Variants in STPG2 observed in about 807,000 individuals in gnomAD.
STPG2 encodes sperm-tail PG-rich repeat-containing protein 2.
In STPG2, 56 loss-of-function variants were observed where a neutral mutation model predicts 54.2. The ratio of observed to expected loss-of-function variants is 1.03; its 90% confidence interval spans 0.83 to 1.29. The LOEUF (loss-of-function observed/expected upper bound fraction) is 1.29. Ranked by LOEUF, STPG2 falls within the 50% of genes most tolerant of loss-of-function variation. The pLI is 0.00. For missense variants in STPG2, 596 were observed against 544.9 expected, an observed-to-expected ratio of 1.09 and a Z score of -0.93; for synonymous variants, 200 against 181.8, an observed-to-expected ratio of 1.10 and a Z score of -0.81.
intron 9 of STPG2, among the ~76,000 whole-genome samples, chr4:97,795,339 C>T (rs1225390439): frequency 6.6e-6 from 1 of 152,128 alleles, no homozygotes; most frequent in Non-Finnish European, 1.5e-5. Flanking sequence ...AATGCTATGC[C>T]TCCCACCTCC....
intron 5 of STPG2, among the ~76,000 whole-genome samples, chr4:97,988,418 G>C (rs1236596520): frequency 1.3e-5 from 2 of 151,916 alleles, no homozygotes; most frequent in Non-Finnish European, 2.9e-5. Flanking sequence ...TTTTCTGTTT[G>C]GCTCACTGCT....
chr4:97,831,558 C>A (rs1293993306), intron 9 of STPG2, among the ~76,000 whole-genome samples: 4 of 152,148 alleles, frequency 2.6e-5, no homozygotes, highest in East Asian at 1.9e-4. Flanking sequence ...CACAAAAAAA[C>A]CTTTCAAAAA....
chr4:98,072,406 G>A (rs1003928938), intron 5 of STPG2, among the ~76,000 whole-genome samples: 2 of 151,906 alleles, frequency 1.3e-5, no homozygotes, highest in African/African-American at 4.8e-5. Flanking sequence ...TGGGGCCTGT[G>A]GGGTGCAGAG....
chr4:98,073,403 A>ATTCAATAAATAATT (rs887145075), intron 5 of STPG2, among the ~76,000 whole-genome samples: 5 of 150,274 alleles, frequency 3.3e-5, no homozygotes, highest in Admixed American at 1.3e-4. Context: ...AACATTGATA[A>ATTCAATAAATAATT]TTCAATAAAT....
intron 8 of STPG2, among the ~76,000 whole-genome samples, chr4:97,851,213 G>A (rs11097583): frequency 0.13 from 19,440 of 152,154 alleles, 1,902 homozygotes; most frequent in African/African-American, 0.26. Context: ...CTCCTTGAGT[G>A]TTCAGAAAGC....
At chr4:97,453,534 C>A (rs568985203) in intron 4 of STPG2, among the ~76,000 whole-genome samples, 2 of 152,168 alleles carry the variant, frequency 1.3e-5, no homozygotes, top group Non-Finnish European at 2.9e-5. Context: ...CCTCAAAGAT[C>A]CTGTGACAAT....
At chr4:97,560,824 A>C (rs1732211614) in intron 10 of STPG2, among the ~76,000 whole-genome samples, 1 of 152,048 alleles carries the variant, frequency 6.6e-6, no homozygotes, top group Non-Finnish European at 1.5e-5. Context: ...AATTGAGGGG[A>C]GGGGGGAACG....
At chr4:97,873,117 A>G (rs962449943) in intron 8 of STPG2, among the ~76,000 whole-genome samples, 3 of 151,228 alleles carry the variant, frequency 2.0e-5, no homozygotes, top group African/African-American at 7.3e-5. Context: ...ATCCTCACGT[A>G]CCCACACATA....
intron 5 of STPG2, among the ~76,000 whole-genome samples, chr4:98,085,793 T>A (rs1282781498): frequency 6.6e-6 from 1 of 152,066 alleles, no homozygotes; most frequent in Non-Finnish European, 1.5e-5. Flanking sequence ...TCATAATATG[T>A]TATTTCATTA....
chr4:97,450,499 G>A (rs988978967), intron 4 of STPG2, among the ~76,000 whole-genome samples: 17 of 152,182 alleles, frequency 1.1e-4, no homozygotes, highest in African/African-American at 3.9e-4. Context: ...AAGTAAAGGA[G>A]ATCAGAGGGT....
At chr4:97,977,681 T>C (rs931479048) in intron 6 of STPG2, among the ~76,000 whole-genome samples, 1 of 152,126 alleles carries the variant, frequency 6.6e-6, no homozygotes, top group African/African-American at 2.4e-5. Context: ...CATGCATTGG[T>C]CAAGAAAGCA....
chr4:97,680,362 C>A (rs977445702), intron 10 of STPG2, among the ~76,000 whole-genome samples: 2 of 151,766 alleles, frequency 1.3e-5, no homozygotes, highest in African/African-American at 4.8e-5. Flanking sequence ...AAGTTGGATT[C>A]CTAGGTATTT....
intron 8 of STPG2, among the ~76,000 whole-genome samples, 185 bp from the exon 9 acceptor site, chr4:97,841,117 T>G (rs992937879): frequency 2.0e-5 from 3 of 151,728 alleles, no homozygotes; most frequent in African/African-American, 7.2e-5. Flanking sequence ...AAATGTAAAT[T>G]TACTTGCCAA....
chr4:98,055,281 A>G (rs1737445480), intron 5 of STPG2, among the ~76,000 whole-genome samples: 1 of 152,068 alleles, frequency 6.6e-6, no homozygotes, highest in African/African-American at 2.4e-5. Flanking sequence ...TGCATGGGGA[A>G]GGCAAGATGG....
intron 4 of STPG2, among the ~76,000 whole-genome samples, chr4:97,550,833 T>A (rs545705353): frequency 3.9e-5 from 6 of 152,214 alleles, no homozygotes; most frequent in Admixed American, 3.3e-4. Context: ...CTCTTAAAGG[T>A]GGTGCTTCCG....
At chr4:97,663,533 A>G (rs113622509) in intron 10 of STPG2, among the ~76,000 whole-genome samples, 2,011 of 152,274 alleles carry the variant, frequency 0.013, 40 homozygotes, top group African/African-American at 0.046. Flanking sequence ...TCTGAAATTT[A>G]TTTCTTCTCT....
intron 3 of STPG2, among the ~76,000 whole-genome samples, chr4:98,126,240 C>G (rs1471299835): frequency 3.9e-5 from 6 of 152,164 alleles, no homozygotes; most frequent in Admixed American, 2.0e-4. Context: ...CCTGCCTCAC[C>G]AGAATTCCCT....
rs34198207 is a variant in STPG2, at chr4:98,013,580, CTTTTTTTTTTTTT to C, written c.613-32275_613-32263del. 1.2e-4 allele frequency among the ~76,000 whole-genome samples: 9 copies of C among 74,600 alleles called. No homozygotes were observed. The South Asian group carries it at 1.4e-3, about 12-fold the overall frequency. 48.9% of individuals were successfully genotyped at this position (74,600 alleles called of 152,430 possible). On this transcript the variant is annotated intron_variant, in intron 5 of 10. Transcript: ENST00000295268. ...GGCTGTGAATCCATCTGGTCCTGGG[CTTTTTTTTTTTTT>C]TTTTTTTTTTTTTTTTGGTTAGTAG...
chr4:97,727,026 A>T (rs1724646084), intron 9 of STPG2, among the ~76,000 whole-genome samples: 1 of 151,946 alleles, frequency 6.6e-6, no homozygotes, highest in African/African-American at 2.4e-5. Context: ...CAAGGTTTTG[A>T]AAAGAAGGGA....
Sources: allele counts gnomAD v4.1 joint callset (sites outside exome capture counted in the v4.1 genomes callset), GRCh38; gene constraint gnomAD v4.1.1; transcripts MANE v1.5; gene names NCBI Gene and HGNC (gene_info 2026-07-23, HGNC 2026-07-21).